The following GSC2 variants were observed in gnomAD, a reference collection of about 807,000 sequenced individuals.
GSC2 encodes the protein goosecoid homeobox 2, also known as homeobox protein goosecoid-2.
A neutral mutation model predicts 11.3 loss-of-function variants in GSC2; 12 were observed. The observed-to-expected ratio is 1.06, with a 90% CI of 0.68 to 1.72. The LOEUF is 1.72. Ranked by LOEUF, GSC2 falls within the 40% of genes most tolerant of loss-of-function variation. The pLI is 0.00. For synonymous variants in GSC2, 148 were observed against 110.0 expected (o/e 1.35, Z -2.16); for missense variants, 310 against 235.7 (o/e 1.32, Z -2.06).
intron 2 of GSC2, 87 bp from the exon 3 acceptor site, chr22:19,149,182 T>C: frequency 1.3e-6 from 1 of 791,626 alleles, no homozygotes; most frequent in Non-Finnish European, 2.0e-6. Context: ...AGAGGGGAGC[T>C]TCGCAACAGG....
intron 2 of GSC2, 101 bp downstream of exon 2, chr22:19,149,562 G>A (rs1018866650): frequency 1.6e-6 from 2 of 1,278,226 alleles, no homozygotes; most frequent in South Asian, 3.4e-5. Context: ...GGCGGGGCTT[G>A]GGCCGAGGCC....
rs1230699968 is a variant in GSC2 at position 19,150,067 on chromosome 22, G to C, written c.217C>G (p.Arg73Gly). 8.0e-6 allele frequency: 8 copies of C among 999,334 alleles called. No homozygotes were observed. The highest frequency in any genetic ancestry group is 9.5e-6 in the Non-Finnish European group (8 of 840,622). The allele number at this position is 999,334 out of a possible 1,614,324, so 61.9% of individuals were successfully genotyped here. ...PCACCCCCGP[R>G]AAPCGPPEAA... is the part of the protein sequence containing the mutation. ...TCTGGGGGCCCGCAGGGCGCCGCGC[G>C]GGGGCCGCAGCAGCAGCAGCAGGCG... The change falls in exon 1 of 3, where the codon CGC becomes GGC. Residue 73 changes from arginine (R) to glycine (G), a missense_variant. Arg to Gly is a moderately radical substitution (Grantham distance 125, BLOSUM62 -2). Transcript: ENST00000086933.
chr22:19,149,023 CG>C lies in GSC2; in HGVS notation c.585del (p.Gly196AlafsTer90). On this transcript the variant is annotated frameshift_variant, in exon 3 of 3. Coordinates refer to ENST00000086933, the MANE Select transcript of GSC2 (RefSeq NM_005315.2). LOFTEE classifies it high-confidence loss of function. ...CTCCCCTTCGGGGACTTCTTGACGC[CG>C]GGCAGGAGCCTCGCGGAAGCCGACG... ...KRASASARLLPGVKKSPKGSC is the reference protein window; with the variant it reads ...KRASASARLLXGVKKSPKGSC The C allele has an allele frequency of 6.2e-7, 1 of 1,600,912 alleles. No homozygotes were observed. The highest frequency in any genetic ancestry group is 8.5e-7 in the Non-Finnish European group (1 of 1,173,904).
In GSC2 at chr22:19,148,844, G is replaced by A. The variant is rs1555917788; in HGVS notation, c.*147C>T. 5 of 555,994 alleles carry A rather than the reference G, an allele frequency of 9.0e-6. No homozygotes were observed. The Admixed American group carries it at 1.0e-4, about 12-fold the overall frequency. The allele number at this position is 555,994 out of a possible 1,614,324, so 34.4% of individuals were successfully genotyped here. On this transcript the variant is annotated 3_prime_UTR_variant, in exon 3 of 3. Coordinates refer to ENST00000086933, the MANE Select transcript of GSC2 (RefSeq NM_005315.2). The stretch of plus-strand genomic sequence containing the variant: ...CCCGTCCCCAGCGCCACGGCAGCAC[G>A]AGCTGCAGGAGGCAAGGGCTGTGGA...
rs540621015 is a variant in GSC2 at position 19,149,720 on chromosome 22, G to C, written c.456C>G (p.Asp152Glu). The stretch of plus-strand genomic sequence containing the variant: ...CGGCCAGGCGCTCGCGCGTACTCAC[G>C]TCAGGATACTGGTTCTGCACGAAAA... ...EALFVQNQYP[D>E]VSTRERLAGR... Residue 152 changes from aspartate to glutamate, a missense_variant, in exon 2 of 3, where the codon GAC (aspartate) becomes GAG (glutamate). Asp to Glu is a conservative substitution (Grantham distance 45). Transcript: ENST00000086933. 2.5e-5 allele frequency: 40 copies of C among 1,588,570 alleles called. No homozygotes were observed. In the East Asian group the frequency reaches 5.9e-4, roughly 23 times the overall value.
rs2083804419 is a variant in GSC2 at position 19,148,386 on chromosome 22, T to C, written c.*605A>G. 6.6e-6 allele frequency among the ~76,000 whole-genome samples: 1 copy of C among 152,154 alleles called. No homozygotes were observed. The highest frequency in any genetic ancestry group is 2.1e-4 in the South Asian group (1 of 4,834). The stretch of plus-strand genomic sequence containing the variant: ...AGACTCTGGGCGGCTTCTGTGGTAT[T>C]TGAAGTTGCTAGTTTCTCAGTATCA... On this transcript the variant is annotated 3_prime_UTR_variant, in exon 3 of 3. Coordinates refer to ENST00000086933, the MANE Select transcript of GSC2 (RefSeq NM_005315.2).
rs556980127 is a variant in GSC2, at chr22:19,148,571, G to C, written c.*420C>G. On this transcript the variant is annotated 3_prime_UTR_variant, in exon 3 of 3. Transcript: ENST00000086933. ...CGAACCCCATCCCCTCTCCCGCTGG[G>C]GGAGGACGAGCCAGGTCAAGTTAGG... 51 of 162,632 alleles carry C rather than the reference G, an allele frequency of 3.1e-4. 1 individual carries two copies. Among genetic ancestry groups the C allele is most frequent in the African/African-American group, 1.2e-3 (50 of 41,868 alleles). The allele number at this position is 162,632 out of a possible 1,614,324, so 10.1% of individuals were successfully genotyped here.
In GSC2 at chr22:19,149,886, C is replaced by A; in HGVS notation, c.290G>T (p.Gly97Val). 7.1e-7 allele frequency: 1 copy of A among 1,409,308 alleles called. No individual in the cohort carries two copies. Among genetic ancestry groups the A allele is most frequent in the Non-Finnish European group, 9.2e-7 (1 of 1,089,028 alleles). The allele number at this position is 1,409,308 out of a possible 1,614,324, so 87.3% of individuals were successfully genotyped here. The change falls in exon 2 of 3, where the codon GGA becomes GTA. Residue 97 changes from glycine to valine, a missense_variant. Transcript: ENST00000086933. ...GARLAWPLRL[G>V]PAVPLSLGAP... is the part of the protein sequence containing the mutation. ...ACCCAGAGACAAGGGCACCGCCGGT[C>A]CCAGCCTCAGCGGCCACGCCAGACG...
At chr22:19,149,627 C>T (rs1463068042) in intron 2 of GSC2, 36 bp downstream of exon 2, 1 of 1,492,896 alleles carries the variant, frequency 6.7e-7, no homozygotes, top group African/African-American at 1.5e-5. Context: ...AGCCGCGGCC[C>T]GCGCGCTCCG....
At position 19,147,997 on chromosome 22, in the gene GSC2, G is replaced by C. The variant is rs1374839608; in HGVS notation, c.*994C>G. Among the ~76,000 whole-genome samples, 2 of 152,132 alleles carry C rather than the reference G, an allele frequency of 1.3e-5. No individual in the cohort carries two copies. Among genetic ancestry groups the C allele is most frequent in the African/African-American group, 4.8e-5 (2 of 41,410 alleles). ...GGCCAGGATAAAGAAGGGGAGGGCA[G>C]GCATCTTCCCAGGCAGCAGGGGCGG... is the stretch of plus-strand genomic sequence containing the variant. On this transcript the variant is annotated 3_prime_UTR_variant, in exon 3 of 3. Transcript: ENST00000086933.
chr22:19,149,704 G>A lies in GSC2; in HGVS notation c.472C>T (p.Arg158Cys). The change falls in exon 2 of 3, where the codon CGC (arginine) becomes TGC (cysteine). Residue 158 changes from arginine to cysteine, a missense_variant. Coordinates refer to ENST00000086933, the MANE Select transcript of GSC2 (RefSeq NM_005315.2). ...NQYPDVSTRERLAGRIRLREE... is the reference protein window; with the variant it reads ...NQYPDVSTRECLAGRIRLREE... ...CGAAGGCGGATGCGGCCGGCCAGGC[G>A]CTCGCGCGTACTCACGTCAGGATAC... 3 of 1,574,352 alleles carry A rather than the reference G, an allele frequency of 1.9e-6. No homozygotes were observed. The highest frequency in any genetic ancestry group is 2.6e-6 in the Non-Finnish European group (3 of 1,163,612).
intron 2 of GSC2, 69 bp from the exon 3 acceptor site, chr22:19,149,164 A>T: frequency 4.4e-6 from 4 of 904,040 alleles, no homozygotes; most frequent in Non-Finnish European, 6.6e-6. Context: ...AGGGTCCCAC[A>T]GGGACCGAGA....
In GSC2 at chr22:19,148,900, A is replaced by C; in HGVS notation, c.*91T>G. On this transcript the variant is annotated 3_prime_UTR_variant, in exon 3 of 3. Coordinates refer to ENST00000086933, the MANE Select transcript of GSC2 (RefSeq NM_005315.2). ...GTGGAGGCGGCCGGTGTACTCTCCC[A>C]GCTCCTTTTCGGGTAGACCTGTCTT... 1 of 751,082 alleles carries C rather than the reference A, an allele frequency of 1.3e-6. No individual in the cohort carries two copies. The allele number at this position is 751,082 out of a possible 1,614,324, so 46.5% of individuals were successfully genotyped here. A position where few individuals can be genotyped will look rare whatever the true frequency, so the allele number is the denominator to read the frequency against.
Position 19,150,121 on chromosome 22 carries a change from C to T in GSC2, c.163G>A (p.Glu55Lys), listed in dbSNP as rs1302757811. Reference protein sequence around the residue: ...AGRQSPAKPEEPGAPEAAPCA... With the variant: ...AGRQSPAKPEKPGAPEAAPCA... ...GGCGCAGCCTCGGGCGCCCCGGGCT[C>T]CTCTGGCTTCGCGGGGCTCTGGCGA... The change falls in exon 1 of 3, where the codon GAG (glutamate) becomes AAG (lysine). Residue 55 changes from glutamate to lysine, a missense_variant. Glu to Lys is a moderately conservative substitution (Grantham distance 56, BLOSUM62 1). Transcript: ENST00000086933. 5 of 987,314 alleles carry T rather than the reference C, an allele frequency of 5.1e-6. No homozygotes were observed. In the African/African-American group the frequency reaches 5.3e-5, roughly 10 times the overall value. 61.2% of individuals were successfully genotyped at this position (987,314 alleles called of 1,614,324 possible). A position where few individuals can be genotyped will look rare whatever the true frequency, so the allele number is the denominator to read the frequency against.
In GSC2 at chr22:19,148,912, G is replaced by A. The variant is rs1373844731; in HGVS notation, c.*79C>T. The A allele has an allele frequency of 2.1e-5, 18 of 842,274 alleles. No homozygotes were observed. In the East Asian group the frequency reaches 4.6e-4, roughly 22 times the overall value. The allele number at this position is 842,274 out of a possible 1,614,324, so 52.2% of individuals were successfully genotyped here. A position where few individuals can be genotyped will look rare whatever the true frequency, so the allele number is the denominator to read the frequency against. On this transcript the variant is annotated 3_prime_UTR_variant, in exon 3 of 3. Coordinates refer to ENST00000086933, the MANE Select transcript of GSC2 (RefSeq NM_005315.2). The stretch of plus-strand genomic sequence containing the variant: ...GGTGTACTCTCCCAGCTCCTTTTCG[G>A]GTAGACCTGTCTTCTCTCAGCGCCA...
In GSC2 at chr22:19,149,109, G is replaced by A; in HGVS notation, c.514-14C>T. The stretch of plus-strand genomic sequence containing the variant: ...CTTGAACCAGACCTGGGGATGGGGG[G>A]AATGCTCAGCCCTAGCCCCAGGTCC... On this transcript the variant is annotated splice_polypyrimidine_tract_variant and intron_variant, in intron 2 of 2. Transcript: ENST00000086933. The A allele has an allele frequency of 8.7e-6, 13 of 1,500,790 alleles. No individual in the cohort carries two copies. The highest frequency in any genetic ancestry group is 1.2e-5 in the South Asian group (1 of 82,804). The allele number at this position is 1,500,790 out of a possible 1,614,324, so 93.0% of individuals were successfully genotyped here.
intron 2 of GSC2, 82 bp from the exon 3 acceptor site, chr22:19,149,177 G>C: frequency 1.2e-6 from 1 of 847,606 alleles, no homozygotes; most frequent in East Asian, 2.9e-5. Context: ...GACCGAGAGG[G>C]GAGCTTCGCA....
chr22:19,148,393 T>C lies in GSC2; in HGVS notation c.*598A>G, dbSNP rs1361114526. Among the ~76,000 whole-genome samples the C allele has an allele frequency of 9.9e-5, 15 of 152,270 alleles. No individual in the cohort carries two copies. The highest frequency in any genetic ancestry group is 3.4e-3 in the Middle Eastern group (1 of 294). ...GGGCGGCTTCTGTGGTATTTGAAGTTGCTAGTTTCTCAGTATCAGCGCGAG... is the reference window on the plus strand; with the variant it reads ...GGGCGGCTTCTGTGGTATTTGAAGTCGCTAGTTTCTCAGTATCAGCGCGAG... On this transcript the variant is annotated 3_prime_UTR_variant, in exon 3 of 3. Transcript: ENST00000086933.
At position 19,147,311 on chromosome 22, in the gene GSC2, G is replaced by A. The variant is rs1555917578; in HGVS notation, c.*1680C>T. ...AAAGATAAACCGGGAAGAGGGTGAA[G>A]ATGAGAAGCGAGCGCCTGGGTGTGA... On this transcript the variant is annotated 3_prime_UTR_variant, in exon 3 of 3. Transcript: ENST00000086933. Among the ~76,000 whole-genome samples, 1 of 152,070 alleles carries A rather than the reference G, an allele frequency of 6.6e-6. No homozygotes were observed. Among genetic ancestry groups the A allele is most frequent in the African/African-American group, 2.4e-5 (1 of 41,388 alleles).
Sources: gnomAD v4.1 joint callset for allele counts (sites outside exome capture counted in the v4.1 genomes callset) on GRCh38, gnomAD v4.1.1 for gene constraint, MANE v1.5 for transcripts, NCBI Gene and HGNC (gene_info 2026-07-23, HGNC 2026-07-21) for gene names.